The following FRAS1 variants were observed in gnomAD, a reference collection of about 807,000 sequenced individuals.
The protein encoded by FRAS1 is extracellular matrix organizing protein FRAS1.
A neutral mutation model predicts 435.2 loss-of-function variants in FRAS1; 290 were observed. That is an observed-to-expected ratio of 0.67 (90% confidence interval 0.61 to 0.73). The LOEUF is 0.73. Ranked by LOEUF, FRAS1 falls within the 30% of genes least tolerant of loss-of-function variation. The pLI is 0.00. For missense variants in FRAS1, 4,860 were observed against 5,001.5 expected, an observed-to-expected ratio of 0.97 and a Z score of 0.85; for synonymous variants, 1,800 against 1,851.0, an observed-to-expected ratio of 0.97 and a Z score of 0.71.
chr4:78,487,167 T>C (rs571634391), intron 58 of FRAS1, among the ~76,000 whole-genome samples: 1 of 152,342 alleles, frequency 6.6e-6, no homozygotes, highest in South Asian at 2.1e-4. Flanking sequence ...GCCATTTCAC[T>C]GGGTTACGGA....
At chr4:78,287,648 T>C (rs1001763453) in intron 14 of FRAS1, among the ~76,000 whole-genome samples, 12 of 152,138 alleles carry the variant, frequency 7.9e-5, no homozygotes, top group African/African-American at 2.7e-4. Flanking sequence ...AGTAAAATCA[T>C]TTGCAGGAAA....
At position 78,464,426 on chromosome 4, in the gene FRAS1, C is replaced by CT; in HGVS notation, c.6889-14dup. On this transcript the variant is annotated splice_polypyrimidine_tract_variant and intron_variant, in intron 48 of 73. Coordinates refer to ENST00000512123, the MANE Select transcript of FRAS1 (RefSeq NM_025074.7). ...GCTAGGGACAGGTGTCCCACCTGCA[C>CT]TTTCCTGCCATTCTAGGTGACTCAG... 1 of 1,613,924 alleles carries CT rather than the reference C, an allele frequency of 6.2e-7. No individual in the cohort carries two copies. The highest frequency in any genetic ancestry group is 8.5e-7 in the Non-Finnish European group (1 of 1,179,828).
At chr4:78,441,438 G>A in intron 41 of FRAS1, 141 bp downstream of exon 41, 2 of 831,540 alleles carry the variant, frequency 2.4e-6, no homozygotes, top group South Asian at 1.7e-5. Flanking sequence ...AGGTAGGAAG[G>A]TTTCATTCAT....
intron 70 of FRAS1, among the ~76,000 whole-genome samples, chr4:78,533,159 G>T (rs761226783): frequency 2.6e-5 from 4 of 152,072 alleles, no homozygotes; most frequent in Admixed American, 1.3e-4. Context: ...CTGCCTAATT[G>T]TTCTCCTTAT....
chr4:78,327,783 T>C (rs1729776527), intron 18 of FRAS1, among the ~76,000 whole-genome samples: 3 of 152,204 alleles, frequency 2.0e-5, no homozygotes, highest in Admixed American at 2.0e-4. Context: ...TGCTATGAAA[T>C]CAGCTTCCAC....
intron 2 of FRAS1, among the ~76,000 whole-genome samples, chr4:78,143,403 A>AT (rs1259990206): frequency 6.6e-6 from 1 of 152,190 alleles, no homozygotes; most frequent in African/African-American, 2.4e-5. Flanking sequence ...TTTAATGTAT[A>AT]TTTCTCGGTT....
At chr4:78,314,124 C>T (rs1729141775) in intron 15 of FRAS1, among the ~76,000 whole-genome samples, 1 of 151,944 alleles carries the variant, frequency 6.6e-6, no homozygotes, top group African/African-American at 2.4e-5. Flanking sequence ...TTCTTAAATG[C>T]TGATGCTACC....
chr4:78,257,356 G>A lies in FRAS1; in HGVS notation c.603+1981G>A, dbSNP rs184621507. On this transcript the variant is annotated intron_variant, in intron 6 of 73. Coordinates refer to ENST00000512123, the MANE Select transcript of FRAS1 (RefSeq NM_025074.7). ...CATTACCAAGGCCATGATTACTTTTGCACCTGCCTAATAATAACCATAATA... is the reference window on the plus strand; with the variant it reads ...CATTACCAAGGCCATGATTACTTTTACACCTGCCTAATAATAACCATAATA... Among the ~76,000 whole-genome samples the A allele has an allele frequency of 2.2e-3, 333 of 152,120 alleles. 2 individuals carry two copies. Among genetic ancestry groups the A allele is most frequent in the East Asian group, 4.2e-3 (22 of 5,182 alleles).
chr4:78,458,199 C>T (rs147767644), intron 47 of FRAS1, among the ~76,000 whole-genome samples: 1 of 152,242 alleles, frequency 6.6e-6, no homozygotes, highest in East Asian at 1.9e-4. Context: ...GCATCCTCAG[C>T]CCACTCATAA....
At chr4:78,259,304 G>C (rs1219532789) in intron 6 of FRAS1, among the ~76,000 whole-genome samples, 2 of 116,082 alleles carry the variant, frequency 1.7e-5, no homozygotes, top group African/African-American at 3.0e-5. Context: ...AATGGTTGAA[G>C]TAGTTTACAG....
intron 47 of FRAS1, among the ~76,000 whole-genome samples, chr4:78,455,516 C>T (rs1232385930): frequency 6.6e-6 from 1 of 152,148 alleles, no homozygotes; most frequent in Non-Finnish European, 1.5e-5. Context: ...GGACCAGAGA[C>T]CTCCTGGAAT....
rs191348795 is a variant in FRAS1, at chr4:78,520,842, C to A, written c.10541-681C>A. On this transcript the variant is annotated intron_variant, in intron 67 of 73. Transcript: ENST00000512123. ...TCTGTGAAATGTCTTAGGCTCAAAT[C>A]ATTTTTGGCTTTATATTTCTCATGG... 1.6e-4 allele frequency among the ~76,000 whole-genome samples: 25 copies of A among 152,320 alleles called. No individual in the cohort carries two copies. In the East Asian group the frequency reaches 4.6e-3, roughly 28 times the overall value.
intron 32 of FRAS1, among the ~76,000 whole-genome samples, chr4:78,415,015 G>T (rs920161684): frequency 1.3e-5 from 2 of 152,164 alleles, no homozygotes; most frequent in Non-Finnish European, 2.9e-5. Context: ...ATTATCTAGA[G>T]ATCAGGGTTC....
intron 14 of FRAS1, among the ~76,000 whole-genome samples, chr4:78,293,658 T>C (rs72864583): frequency 0.02 from 3,108 of 152,304 alleles, 90 homozygotes; most frequent in African/African-American, 0.071. Flanking sequence ...GACAATAGGA[T>C]TGCCTTCCTA....
intron 71 of FRAS1, among the ~76,000 whole-genome samples, chr4:78,535,993 C>A (rs999142273): frequency 3.7e-4 from 56 of 152,058 alleles, no homozygotes; most frequent in African/African-American, 1.3e-3. Context: ...TTCCAAAATC[C>A]TCCTCCCACT....
chr4:78,286,399 A>C lies in FRAS1; in HGVS notation c.1400-6A>C, dbSNP rs750205204. ...TTTCTCTTTCTTCAACATTATCTGG[A>C]GTCAGCCTGCCAGCCCCAGTGCTCC... On this transcript the variant is annotated splice_region_variant and splice_polypyrimidine_tract_variant and intron_variant, in intron 13 of 73. Coordinates refer to ENST00000512123, the MANE Select transcript of FRAS1 (RefSeq NM_025074.7). 2 of 1,613,180 alleles carry C rather than the reference A, an allele frequency of 1.2e-6. No individual in the cohort carries two copies. Among genetic ancestry groups the C allele is most frequent in the Non-Finnish European group, 8.5e-7 (1 of 1,179,882 alleles).
chr4:78,434,896 A>T (rs1734355782), intron 38 of FRAS1, among the ~76,000 whole-genome samples: 1 of 152,126 alleles, frequency 6.6e-6, no homozygotes. Context: ...CGTATTAAAT[A>T]AATGAAAAGA....
rs576114989 is a variant in FRAS1 at position 78,290,625 on chromosome 4, A to G, written c.1534+4086A>G. 4.0e-5 allele frequency among the ~76,000 whole-genome samples: 6 copies of G among 151,102 alleles called. No individual in the cohort carries two copies. In the South Asian group the frequency reaches 6.3e-4, roughly 16 times the overall value. On this transcript the variant is annotated intron_variant, in intron 14 of 73. Transcript: ENST00000512123. ...ACCACCATGCCTGGCTAATTTTTGTATTTTAGTAGAAACTGGGTTTCACCA... is the reference window on the plus strand; with the variant it reads ...ACCACCATGCCTGGCTAATTTTTGTGTTTTAGTAGAAACTGGGTTTCACCA...
intron 26 of FRAS1, among the ~76,000 whole-genome samples, chr4:78,376,137 A>G (rs1731752166): frequency 6.6e-6 from 1 of 152,238 alleles, no homozygotes; most frequent in South Asian, 2.1e-4. Flanking sequence ...AAATTGGCAT[A>G]AAACTTAGCT....
Sources: gnomAD v4.1 joint callset for allele counts (sites outside exome capture counted in the v4.1 genomes callset) on GRCh38, gnomAD v4.1.1 for gene constraint, MANE v1.5 for transcripts, NCBI Gene and HGNC (gene_info 2026-07-23, HGNC 2026-07-21) for gene names.